The following KLF13 variants were observed in gnomAD, a reference collection of about 807,000 sequenced individuals.
KLF13 encodes KLF transcription factor 13.
A neutral mutation model predicts 16.7 loss-of-function variants in KLF13; 8 were observed. The observed-to-expected ratio is 0.48, with a 90% CI of 0.28 to 0.87. The LOEUF (loss-of-function observed/expected upper bound fraction) is 0.87. KLF13 is among the 40% of genes least tolerant of loss of function. The pLI, the probability that KLF13 is intolerant of heterozygous loss-of-function variation, is 0.10. For synonymous variants in KLF13, 245 were observed against 208.4 expected (o/e 1.18, Z -1.51); for missense variants, 447 against 452.2 (o/e 0.99, Z 0.10).
chr15:31,339,817 C>T, intron 1 of KLF13: 4 of 634,676 alleles, frequency 6.3e-6, no homozygotes, highest in Non-Finnish European at 5.8e-6. Context: ...TGTCCTCCCG[C>T]CCCCCGCCTG....
chr15:31,425,944 G>C (rs920554528), intron 1 of KLF13, among the ~76,000 whole-genome samples: 15 of 152,174 alleles, frequency 9.9e-5, no homozygotes, highest in African/African-American at 2.9e-4. Flanking sequence ...TTCCTGCTTA[G>C]AAATTTCTTC....
chr15:31,424,510 T>C (rs2040378826), intron 1 of KLF13, among the ~76,000 whole-genome samples: 1 of 152,010 alleles, frequency 6.6e-6, no homozygotes, highest in African/African-American at 2.4e-5. Flanking sequence ...GAAAAAAGAA[T>C]GAAGGACAAA....
intron 2 of KLF13, among the ~76,000 whole-genome samples, chr15:31,397,039 CAG>C (rs1472105582): frequency 6.6e-6 from 1 of 152,070 alleles, no homozygotes; most frequent in Non-Finnish European, 1.5e-5. Flanking sequence ...AACAGTGGCT[CAG>C]GGGCTGGTGC....
At chr15:31,358,442 C>A (rs576361209) in intron 1 of KLF13, among the ~76,000 whole-genome samples, 1 of 152,316 alleles carries the variant, frequency 6.6e-6, no homozygotes, top group Non-Finnish European at 1.5e-5. Flanking sequence ...TGGATTTTAA[C>A]CATTCTCATA....
downstream of KLF13, among the ~76,000 whole-genome samples, chr15:31,409,261 G>A (rs1400544701): frequency 6.6e-6 from 1 of 151,878 alleles, no homozygotes; most frequent in African/African-American, 2.4e-5. Context: ...CTCCAGCCTG[G>A]GCAACAGAGC....
At chr15:31,363,978 T>C (rs75315010) in intron 1 of KLF13, among the ~76,000 whole-genome samples, 1 of 152,214 alleles carries the variant, frequency 6.6e-6, no homozygotes, top group Non-Finnish European at 1.5e-5. Flanking sequence ...TCATAACATG[T>C]ATTGACTGCT....
At chr15:31,355,935 C>T (rs1468394153) in intron 1 of KLF13, among the ~76,000 whole-genome samples, 5 of 152,114 alleles carry the variant, frequency 3.3e-5, no homozygotes, top group African/African-American at 1.2e-4. Context: ...CCCTACCATC[C>T]AGGCCCCACT....
intron 1 of KLF13, among the ~76,000 whole-genome samples, chr15:31,363,761 C>A (rs923381066): frequency 3.9e-5 from 6 of 152,274 alleles, no homozygotes; most frequent in African/African-American, 1.4e-4. Flanking sequence ...GCTGGGATTA[C>A]AGGCATGAGC....
chr15:31,368,727 C>G (rs2039513100), intron 1 of KLF13, among the ~76,000 whole-genome samples: 1 of 152,116 alleles, frequency 6.6e-6, no homozygotes, highest in African/African-American at 2.4e-5. Flanking sequence ...GGGTAGGCGC[C>G]TGTAATCCCA....
intron 1 of KLF13, among the ~76,000 whole-genome samples, chr15:31,364,128 T>A (rs2039428106): frequency 1.6e-5 from 2 of 125,684 alleles, no homozygotes; most frequent in Non-Finnish European, 3.4e-5. Context: ...TGGTCTCGTT[T>A]CCCCCACGTC....
chr15:31,340,217 C>T (rs2038998602), intron 1 of KLF13, among the ~76,000 whole-genome samples: 1 of 152,268 alleles, frequency 6.6e-6, no homozygotes, highest in South Asian at 2.1e-4. Context: ...CCACTGCCCT[C>T]ATGGCCAACC....
rs74566264 is a variant in KLF13, at chr15:31,357,216, T to C, written c.578-14794T>C. ...TCTAAGCTTCCCTTTTAAAGGCACA[T>C]GCGGTTCTTGTTTCCGCCAGGCCGT... On this transcript the variant is annotated intron_variant, in intron 1 of 1. Transcript: ENST00000307145. Among the ~76,000 whole-genome samples the C allele has an allele frequency of 6.5e-3, 984 of 152,352 alleles. 16 individuals carry two copies. Among genetic ancestry groups the C allele is most frequent in the African/African-American group, 0.023 (938 of 41,580 alleles).
downstream of KLF13, among the ~76,000 whole-genome samples, chr15:31,405,788 T>C (rs2040120664): frequency 6.6e-6 from 1 of 152,164 alleles, no homozygotes; most frequent in Non-Finnish European, 1.5e-5. Context: ...GGCAGCTATC[T>C]GTATGCATAA....
chr15:31,388,376 C>A (rs1378446290), upstream of KLF13, among the ~76,000 whole-genome samples: 2 of 152,010 alleles, frequency 1.3e-5, no homozygotes, highest in Non-Finnish European at 2.9e-5. Flanking sequence ...CTTTGGGAGG[C>A]TGAGGAGGGC....
intron 1 of KLF13, among the ~76,000 whole-genome samples, 187 bp downstream of exon 1, chr15:31,327,976 G>C (rs1055961342): frequency 2.7e-5 from 4 of 147,934 alleles, no homozygotes; most frequent in Admixed American, 1.3e-4. Context: ...GGCGGGTCTT[G>C]GCTCTCGGAG....
At chr15:31,403,345 C>T (rs1009411275) in intron 2 of KLF13, 11 of 152,166 alleles carry the variant, frequency 7.2e-5, no homozygotes, top group African/African-American at 2.7e-4. Context: ...AAATCACAAA[C>T]GAGATATGCT....
intron 1 of KLF13, among the ~76,000 whole-genome samples, chr15:31,352,378 T>C (rs2039230381): frequency 6.6e-6 from 1 of 152,196 alleles, no homozygotes; most frequent in African/African-American, 2.4e-5. Context: ...TTGGTCCCGC[T>C]CAGAATGCAC....
intron 1 of KLF13, chr15:31,420,463 C>A: frequency 1.3e-6 from 1 of 793,524 alleles, no homozygotes; most frequent in Non-Finnish European, 2.2e-6. Context: ...CCCAGGGTAA[C>A]ATATGCCTGG....
At chr15:31,401,967 A>G (rs1226827437) in intron 2 of KLF13, among the ~76,000 whole-genome samples, 1 of 152,244 alleles carries the variant, frequency 6.6e-6, no homozygotes, top group Non-Finnish European at 1.5e-5. Context: ...TCTCAGCAGA[A>G]TTGCCAGAAT....
Sources: gnomAD v4.1 joint callset for allele counts (sites outside exome capture counted in the v4.1 genomes callset) on GRCh38, gnomAD v4.1.1 for gene constraint, MANE v1.5 for transcripts, NCBI Gene and HGNC (gene_info 2026-07-23, HGNC 2026-07-21) for gene names.